The following SLC28A3 variants were observed in gnomAD, a reference collection of about 807,000 sequenced individuals.
SLC28A3 encodes solute carrier family 28 member 3, also known as concentrative Na(+)-nucleoside cotransporter 3.
A neutral mutation model predicts 84.2 loss-of-function variants in SLC28A3; 68 were observed. The ratio of observed to expected loss-of-function variants is 0.81; its 90% CI spans 0.66 to 0.99. The LOEUF (loss-of-function observed/expected upper bound fraction) is 0.99, where lower values mean the gene tolerates loss of function less well. Among genes scored for constraint, SLC28A3 ranks in the 50% least tolerant of loss-of-function variants. The probability of loss-of-function intolerance (pLI) is 0.00; values close to 1 mark genes in which losing one functional copy is unlikely to be tolerated. For synonymous variants in SLC28A3, 267 were observed against 303.6 expected, an observed-to-expected ratio of 0.88 and a Z score of 1.25; for missense variants, 712 against 841.5, an observed-to-expected ratio of 0.85 and a Z score of 1.90.
At chr9:84,279,172 CAAA>C (rs11309306) in intron 17 of SLC28A3, 90 bp downstream of exon 17, 4,789 of 940,232 alleles carry the variant, frequency 5.1e-3, no homozygotes, top group South Asian at 0.01. Context: ...GACTCCGTCT[CAAA>C]AAAAAAAAAA....
chr9:84,294,369 T>A, intron 8 of SLC28A3, 94 bp from the exon 9 acceptor site: 1 of 1,147,046 alleles, frequency 8.7e-7, no homozygotes, highest in Non-Finnish European at 1.3e-6. Context: ...TTTCTCCCTC[T>A]GAAACATCAT....
chr9:84,335,001 C>T lies in SLC28A3; in HGVS notation c.60+5573G>A, dbSNP rs565996362. On this transcript the variant is annotated intron_variant, in intron 1 of 17. Coordinates refer to ENST00000376238, the MANE Select transcript of SLC28A3 (RefSeq NM_001199633.2). ...CTGCTTCATTCTCTGACATCTCTAACTTCCCCACTCCTTAAGCGCTACTGT... is the reference window on the plus strand; with the variant it reads ...CTGCTTCATTCTCTGACATCTCTAATTTCCCCACTCCTTAAGCGCTACTGT... 6.1e-4 allele frequency among the ~76,000 whole-genome samples: 64 copies of T among 105,610 alleles called. 1 individual carries two copies. The Admixed American group carries it at 6.7e-3, about 11-fold the overall frequency. 69.3% of individuals were successfully genotyped at this position (105,610 alleles called of 152,430 possible). A position where few individuals can be genotyped will look rare whatever the true frequency, so the allele number is the denominator to read the frequency against.
intron 3 of SLC28A3, among the ~76,000 whole-genome samples, chr9:84,307,542 A>G (rs1825845712): frequency 6.6e-6 from 1 of 152,226 alleles, no homozygotes; most frequent in African/African-American, 2.4e-5. Context: ...TGAAATGTTC[A>G]TCATTATGTA....
chr9:84,362,061 A>G, the SLC28A3 span, among the ~76,000 whole-genome samples: 1 of 152,192 alleles, frequency 6.6e-6, no homozygotes, highest in Non-Finnish European at 1.5e-5. Flanking sequence ...TTTTCCCAGG[A>G]CAACCCGACT....
At position 84,340,570 on chromosome 9, in the gene SLC28A3, T is replaced by G; in HGVS notation, c.60+4A>C. Reference sequence around the variant, plus strand: ...CTTTAACATAAGAGGAAAGCTCTGCTCACCTGGAAGCCCACGTTGCTGTAG... The same window carrying G: ...CTTTAACATAAGAGGAAAGCTCTGCGCACCTGGAAGCCCACGTTGCTGTAG... On this transcript the variant is annotated splice_donor_region_variant and intron_variant, in intron 1 of 17. Transcript: ENST00000376238. 6.2e-7 allele frequency: 1 copy of G among 1,614,190 alleles called. No individual in the cohort carries two copies. Among genetic ancestry groups the G allele is most frequent in the South Asian group, 1.1e-5 (1 of 91,088 alleles).
At chr9:84,328,225 C>A (rs1273242958) in intron 1 of SLC28A3, among the ~76,000 whole-genome samples, 4 of 146,844 alleles carry the variant, frequency 2.7e-5, no homozygotes, top group African/African-American at 1.0e-4. Flanking sequence ...TAAATCCTAT[C>A]TTATCAGTAA....
chr9:84,285,711 G>A (rs1317041861), intron 13 of SLC28A3, among the ~76,000 whole-genome samples, 169 bp from the exon 14 acceptor site: 1 of 152,106 alleles, frequency 6.6e-6, no homozygotes, highest in Non-Finnish European at 1.5e-5. Flanking sequence ...TCGGTCATTT[G>A]AAGGAAGCTG....
At chr9:84,308,357 C>G (rs1360423266) in intron 3 of SLC28A3, among the ~76,000 whole-genome samples, 1 of 152,050 alleles carries the variant, frequency 6.6e-6, no homozygotes, top group African/African-American at 2.4e-5. Flanking sequence ...ACCAGCCTGG[C>G]CAACATGGTG....
intron 3 of SLC28A3, 94 bp downstream of exon 3, chr9:84,309,523 CAAAAAAAAAAAA>C (rs71366931): frequency 7.1e-5 from 17 of 239,282 alleles, no homozygotes; most frequent in South Asian, 4.6e-4. Context: ...ACTCTTATCT[CAAAAAAAAAAAA>C]AAAAAAAAAA....
chr9:84,312,782 G>A (rs1203679370), intron 2 of SLC28A3, among the ~76,000 whole-genome samples: 5 of 151,906 alleles, frequency 3.3e-5, no homozygotes, highest in African/African-American at 9.7e-5. Context: ...CAAGTGATCC[G>A]CCCACCTCAG....
At chr9:84,286,468 T>TTTA (rs1824993745) in intron 12 of SLC28A3, among the ~76,000 whole-genome samples, 1 of 148,906 alleles carries the variant, frequency 6.7e-6, no homozygotes, top group African/African-American at 2.5e-5. Flanking sequence ...TTTTTTTTTT[T>TTTA]AAGAGACGGG....
At chr9:84,325,269 A>G (rs948236395) in intron 1 of SLC28A3, among the ~76,000 whole-genome samples, 2 of 152,056 alleles carry the variant, frequency 1.3e-5, no homozygotes, top group East Asian at 3.9e-4. Flanking sequence ...TTTCCACATA[A>G]TGTAACATGA....
intron 1 of SLC28A3, among the ~76,000 whole-genome samples, chr9:84,331,693 A>G (rs1449621770): frequency 6.6e-6 from 1 of 152,162 alleles, no homozygotes; most frequent in Non-Finnish European, 1.5e-5. Flanking sequence ...CAGCTGTGGT[A>G]AGATTGATTG....
chr9:84,330,239 G>A (rs1197623826), intron 1 of SLC28A3, among the ~76,000 whole-genome samples: 1 of 151,876 alleles, frequency 6.6e-6, no homozygotes, highest in African/African-American at 2.4e-5. Context: ...ACAAGGAAAT[G>A]TCAAGGAAAA....
intron 3 of SLC28A3, among the ~76,000 whole-genome samples, chr9:84,306,510 AC>A (rs2118354013): frequency 6.6e-6 from 1 of 152,018 alleles, no homozygotes; most frequent in South Asian, 2.1e-4. Flanking sequence ...TTTGTTATGA[AC>A]CCATTACTGA....
chr9:84,307,121 C>T (rs10123041), intron 3 of SLC28A3, among the ~76,000 whole-genome samples: 26,642 of 142,168 alleles, frequency 0.19, 2,816 homozygotes, highest in African/African-American at 0.26. Context: ...GTCACTGCAC[C>T]CCGTCTCAAC....
intron 1 of SLC28A3, among the ~76,000 whole-genome samples, chr9:84,320,334 C>T (rs1453278642): frequency 6.6e-6 from 1 of 151,916 alleles, no homozygotes; most frequent in Non-Finnish European, 1.5e-5. Context: ...GGATTACAAG[C>T]GTGAGCCACT....
the SLC28A3 span, among the ~76,000 whole-genome samples, chr9:84,366,903 T>C: frequency 7.2e-5 from 11 of 152,202 alleles, no homozygotes; most frequent in Non-Finnish European, 1.3e-4. Context: ...ACTGCCTATG[T>C]TCTGTCAAGG....
chr9:84,305,532 C>A (rs1825763615), intron 3 of SLC28A3, among the ~76,000 whole-genome samples, 187 bp from the exon 4 acceptor site: 1 of 152,106 alleles, frequency 6.6e-6, no homozygotes, highest in Non-Finnish European at 1.5e-5. Flanking sequence ...TGATCATGAC[C>A]ATTCAGTGAT....
Sources: allele counts gnomAD v4.1 joint callset (sites outside exome capture counted in the v4.1 genomes callset), GRCh38; gene constraint gnomAD v4.1.1; transcripts MANE v1.5; gene names NCBI Gene and HGNC (gene_info 2026-07-23, HGNC 2026-07-21).